Variants in SGCZ observed in about 807,000 individuals in gnomAD.
SGCZ encodes sarcoglycan zeta.
SGCZ carries 40 observed loss-of-function variants against 41.3 expected under a neutral mutation model. That is an observed-to-expected ratio of 0.97 (90% CI 0.75 to 1.26). The LOEUF is 1.26. SGCZ is among the 50% of genes most tolerant of loss of function. The pLI is 0.00. For missense variants in SGCZ, 552 were observed against 369.8 expected (o/e 1.49, Z -4.04); for synonymous variants, 206 against 137.5 (o/e 1.50, Z -3.49).
intron 2 of SGCZ, among the ~76,000 whole-genome samples, chr8:14,344,102 G>C (rs1802807224): frequency 6.6e-6 from 1 of 152,140 alleles, no homozygotes; most frequent in African/African-American, 2.4e-5. Flanking sequence ...GGCACAGCGA[G>C]AGATTGGGAA....
At chr8:14,583,473 G>A (rs973009262) in intron 1 of SGCZ, among the ~76,000 whole-genome samples, 2 of 151,952 alleles carry the variant, frequency 1.3e-5, no homozygotes, top group African/African-American at 4.8e-5. Flanking sequence ...CACTCTGATG[G>A]TAGTTTCTTT....
intron 2 of SGCZ, among the ~76,000 whole-genome samples, chr8:14,427,468 C>G (rs1799819396): frequency 6.6e-6 from 1 of 152,072 alleles, no homozygotes; most frequent in African/African-American, 2.4e-5. Flanking sequence ...ATATTTTTAT[C>G]TTTCTCCCGG....
In SGCZ at chr8:14,848,009, A is replaced by C. The variant is rs143732398; in HGVS notation, c.40-293083T>G. 2.9e-3 allele frequency among the ~76,000 whole-genome samples: 438 copies of C among 152,234 alleles called. 2 individuals are homozygous for C. Among genetic ancestry groups the C allele is most frequent in the African/African-American group, 9.8e-3 (408 of 41,550 alleles). On this transcript the variant is annotated intron_variant, in intron 1 of 7. Transcript: ENST00000382080. ...AGAAAATTAAATATAACCTACAAAG[A>C]AGTTACTGGAAATAATAAGTGAATT...
At chr8:14,535,441 A>G (rs1803264581) in intron 2 of SGCZ, among the ~76,000 whole-genome samples, 1 of 151,900 alleles carries the variant, frequency 6.6e-6, no homozygotes, top group Non-Finnish European at 1.5e-5. Context: ...GTAAAAGGTC[A>G]CACCATGGAT....
chr8:14,196,518 A>G lies in SGCZ; in HGVS notation c.425-31816T>C, dbSNP rs755162459. 2.8e-4 allele frequency among the ~76,000 whole-genome samples: 43 copies of G among 152,326 alleles called. 1 individual carries two copies. Among genetic ancestry groups the G allele is most frequent in the Non-Finnish European group, 5.9e-4 (40 of 68,032 alleles). On this transcript the variant is annotated intron_variant, in intron 4 of 7. Transcript: ENST00000382080. ...TAAACACAAATTGACTACATGAAACAGCGATTTCACTGCTAGCTATCAATG... is the reference window on the plus strand; with the variant it reads ...TAAACACAAATTGACTACATGAAACGGCGATTTCACTGCTAGCTATCAATG...
In SGCZ at chr8:14,087,179, A is replaced by AAT. The variant is rs1268541840; in HGVS notation, c.*3262_*3263dup. 1.3e-5 allele frequency among the ~76,000 whole-genome samples: 2 copies of AAT among 151,630 alleles called. No homozygotes were observed. The highest frequency in any genetic ancestry group is 6.6e-5 in the Admixed American group (1 of 15,158). On this transcript the variant is annotated 3_prime_UTR_variant, in exon 8 of 8. Coordinates refer to ENST00000382080, the MANE Select transcript of SGCZ (RefSeq NM_139167.4). The stretch of plus-strand genomic sequence containing the variant: ...TTATAAAACATATCATTCACAATAA[A>AAT]ATATATATATTTTAGACATAAATGT...
At chr8:14,288,316 G>A (rs1223900138) in intron 3 of SGCZ, among the ~76,000 whole-genome samples, 2 of 152,062 alleles carry the variant, frequency 1.3e-5, no homozygotes, top group Non-Finnish European at 2.9e-5. Flanking sequence ...ATTTTAAAGT[G>A]TACAATTAAG....
At chr8:14,845,553 A>G (rs1376747154) in intron 1 of SGCZ, among the ~76,000 whole-genome samples, 1 of 152,154 alleles carries the variant, frequency 6.6e-6, no homozygotes, top group Non-Finnish European at 1.5e-5. Flanking sequence ...AAAGTTGACA[A>G]AGATGTTAGA....
At chr8:14,339,800 G>C (rs1444200882) in intron 2 of SGCZ, among the ~76,000 whole-genome samples, 4 of 151,948 alleles carry the variant, frequency 2.6e-5, no homozygotes, top group Admixed American at 1.3e-4. Flanking sequence ...AATAATATAT[G>C]TAAATTTAAA....
At chr8:14,693,491 C>T (rs1348722801) in intron 1 of SGCZ, among the ~76,000 whole-genome samples, 1 of 150,782 alleles carries the variant, frequency 6.6e-6, no homozygotes, top group Admixed American at 6.6e-5. Flanking sequence ...AGGGTTTCAC[C>T]ATGTTGGTCA....
At chr8:14,993,241 C>A (rs1379246625) in intron 1 of SGCZ, among the ~76,000 whole-genome samples, 1 of 152,140 alleles carries the variant, frequency 6.6e-6, no homozygotes, top group Admixed American at 6.5e-5. Flanking sequence ...CAGGTCTCTC[C>A]TACCACAAGT....
At chr8:15,209,253 T>C (rs948617271) in intron 1 of SGCZ, among the ~76,000 whole-genome samples, 26 of 152,100 alleles carry the variant, frequency 1.7e-4, no homozygotes, top group African/African-American at 5.6e-4. Flanking sequence ...AAATCCTTGT[T>C]TGTAAAACTT....
At chr8:14,960,953 A>ACG (rs1419525524) in intron 1 of SGCZ, among the ~76,000 whole-genome samples, 1 of 148,156 alleles carries the variant, frequency 6.7e-6, no homozygotes, top group African/African-American at 2.5e-5. Flanking sequence ...ACACACACAC[A>ACG]CACACACACA....
chr8:14,731,555 G>T (rs547176078), intron 1 of SGCZ, among the ~76,000 whole-genome samples: 2 of 152,128 alleles, frequency 1.3e-5, no homozygotes, highest in African/African-American at 4.8e-5. Flanking sequence ...TTTAAAAAAA[G>T]AATGCGTGCC....
intron 1 of SGCZ, among the ~76,000 whole-genome samples, chr8:14,781,110 T>C (rs1301782591): frequency 6.6e-6 from 1 of 152,206 alleles, no homozygotes; most frequent in East Asian, 1.9e-4. Context: ...AGTATTACCA[T>C]CATATTACGT....
chr8:14,363,135 C>A (rs891320428), intron 2 of SGCZ, among the ~76,000 whole-genome samples: 1 of 152,008 alleles, frequency 6.6e-6, no homozygotes, highest in South Asian at 2.1e-4. Context: ...CATCCTTTGC[C>A]TTTCTACTTC....
chr8:15,104,788 T>C (rs1798118377), intron 1 of SGCZ, among the ~76,000 whole-genome samples: 1 of 152,234 alleles, frequency 6.6e-6, no homozygotes, highest in Non-Finnish European at 1.5e-5. Context: ...ATATTATGGA[T>C]GTATCATAAG....
intron 1 of SGCZ, among the ~76,000 whole-genome samples, chr8:14,921,607 C>T: frequency 6.6e-6 from 1 of 151,666 alleles, no homozygotes; most frequent in African/African-American, 2.4e-5. Flanking sequence ...CTCCAATCAG[C>T]CATCGGAATG....
At chr8:15,093,794 A>T (rs1403517405) in intron 1 of SGCZ, among the ~76,000 whole-genome samples, 4 of 152,228 alleles carry the variant, frequency 2.6e-5, no homozygotes, top group Non-Finnish European at 5.9e-5. Flanking sequence ...AAGAAGTTCC[A>T]GCAACCCACA....
Sources: allele counts gnomAD v4.1 joint callset (sites outside exome capture counted in the v4.1 genomes callset), GRCh38; gene constraint gnomAD v4.1.1; transcripts MANE v1.5; gene names NCBI Gene and HGNC (gene_info 2026-07-23, HGNC 2026-07-21).